Variants in RBFOX1 observed in about 807,000 individuals in gnomAD.
RBFOX1 encodes the protein RNA binding protein fox-1 homolog 1.
Under a neutral mutation model 57.7 loss-of-function variants are expected in RBFOX1, and 8 were observed. The ratio of observed to expected loss-of-function variants is 0.14; its 90% CI spans 0.08 to 0.25. The LOEUF (loss-of-function observed/expected upper bound fraction) is 0.25, where lower values mean the gene tolerates loss of function less well. Among genes scored for constraint, RBFOX1 ranks in the 10% least tolerant of loss-of-function variants. RBFOX1 has a pLI of 1.00. For missense variants in RBFOX1, 611 were observed against 548.5 expected (o/e 1.11, Z -1.14); for synonymous variants, 326 against 222.4 (o/e 1.47, Z -4.15).
chr16:6,853,409 G>T (rs1348019515), intron 3 of RBFOX1, among the ~76,000 whole-genome samples: 3 of 152,134 alleles, frequency 2.0e-5, no homozygotes, highest in African/African-American at 7.2e-5. Flanking sequence ...CAGAGTTACT[G>T]ATAGTGCCTG....
At chr16:6,514,514 T>A (rs2096330341) in intron 2 of RBFOX1, among the ~76,000 whole-genome samples, 1 of 152,212 alleles carries the variant, frequency 6.6e-6, no homozygotes, top group Admixed American at 6.5e-5. Flanking sequence ...CACAGTCTTT[T>A]ATTTGTGTTT....
intron 2 of RBFOX1, among the ~76,000 whole-genome samples, chr16:6,522,002 T>G (rs1216616986): frequency 6.6e-6 from 1 of 152,178 alleles, no homozygotes; most frequent in Non-Finnish European, 1.5e-5. Flanking sequence ...TCGACCAGCT[T>G]CTACAAAGCC....
intron 3 of RBFOX1, among the ~76,000 whole-genome samples, chr16:6,824,177 G>T (rs1037735849): frequency 7.2e-5 from 11 of 152,186 alleles, no homozygotes; most frequent in African/African-American, 2.4e-4. Context: ...GGCCAGGGCG[G>T]GTGGATCACC....
chr16:7,174,138 C>T (rs914077830), intron 4 of RBFOX1, among the ~76,000 whole-genome samples: 1 of 152,048 alleles, frequency 6.6e-6, no homozygotes. Context: ...AATGTGTGAT[C>T]TGCATCTGGA....
intron 4 of RBFOX1, among the ~76,000 whole-genome samples, chr16:7,286,359 A>T (rs914744857): frequency 3.9e-5 from 6 of 152,074 alleles, no homozygotes; most frequent in Admixed American, 6.6e-5. Flanking sequence ...GGTTCTTGCC[A>T]CTTTATTTCT....
intron 3 of RBFOX1, among the ~76,000 whole-genome samples, chr16:5,739,918 G>A (rs757912301): frequency 6.6e-6 from 1 of 152,240 alleles, no homozygotes; most frequent in Non-Finnish European, 1.5e-5. Context: ...AAAAATGAAT[G>A]GGTGCTAACC....
At chr16:6,449,976 G>C (rs1238316882) in intron 2 of RBFOX1, among the ~76,000 whole-genome samples, 1 of 152,202 alleles carries the variant, frequency 6.6e-6, no homozygotes, top group Non-Finnish European at 1.5e-5. Context: ...TGCATGGAGT[G>C]GATTGCGTTA....
rs535191310 is a variant in RBFOX1 at position 7,595,382 on chromosome 16, C to T, written c.469-167C>T. On this transcript the variant is annotated intron_variant, in intron 7 of 15. Transcript: ENST00000550418. ...AAAAAAATATCTTGTTCACATTTGT[C>T]GCTTAATTATTGCACATCTCAGTAC... 3.3e-5 allele frequency among the ~76,000 whole-genome samples: 5 copies of T among 152,222 alleles called. No homozygotes were observed. In the South Asian group the frequency reaches 6.2e-4, roughly 19 times the overall value.
At position 6,301,091 on chromosome 16, in the gene RBFOX1, T is replaced by A. The variant is rs145674923; in HGVS notation, c.-126-15904T>A. On this transcript the variant is annotated intron_variant, in intron 1 of 15. Transcript: ENST00000550418. ...TGAGTTGTCATTGAAAAAAAAATCC[T>A]TGAGGATCAGAAACAGAACCTGGAA... 3.2e-3 allele frequency among the ~76,000 whole-genome samples: 481 copies of A among 152,274 alleles called. 3 individuals are homozygous for A. The highest frequency in any genetic ancestry group is 2.3e-3 in the Non-Finnish European group (154 of 68,008).
At position 6,956,912 on chromosome 16, in the gene RBFOX1, A is replaced by T. The variant is rs1008397003; in HGVS notation, c.-15-95145A>T. Among the ~76,000 whole-genome samples the T allele has an allele frequency of 5.3e-5, 8 of 152,166 alleles. 1 individual carries two copies. In the East Asian group the frequency reaches 1.6e-3, roughly 30 times the overall value. ...CATCTGGGCTAGTTGTGTTACCAGGAAGGGGTCCAGATCCAGACCCCAAGT... is the reference window on the plus strand; with the variant it reads ...CATCTGGGCTAGTTGTGTTACCAGGTAGGGGTCCAGATCCAGACCCCAAGT... On this transcript the variant is annotated intron_variant, in intron 3 of 15. Transcript: ENST00000550418.
intron 4 of RBFOX1, among the ~76,000 whole-genome samples, chr16:7,213,916 G>T (rs896819640): frequency 4.7e-5 from 7 of 148,916 alleles, no homozygotes; most frequent in Non-Finnish European, 8.9e-5. Flanking sequence ...GGGCATGCAG[G>T]AACTCTGAAG....
At chr16:7,160,594 TACAA>T (rs1353532181) in intron 4 of RBFOX1, among the ~76,000 whole-genome samples, 1 of 152,218 alleles carries the variant, frequency 6.6e-6, no homozygotes, top group Non-Finnish European at 1.5e-5. Flanking sequence ...AAAGTCGTAA[TACAA>T]ACAATTATTT....
chr16:7,149,014 C>T (rs780329958), intron 4 of RBFOX1, among the ~76,000 whole-genome samples: 16 of 152,324 alleles, frequency 1.1e-4, no homozygotes, highest in African/African-American at 9.6e-5. Flanking sequence ...TTAGAGAATG[C>T]GTCAAGGGAA....
At chr16:6,362,043 A>G (rs1210550708) in intron 2 of RBFOX1, among the ~76,000 whole-genome samples, 4 of 152,180 alleles carry the variant, frequency 2.6e-5, no homozygotes, top group African/African-American at 9.7e-5. Context: ...AGTGTCCTGA[A>G]GCAAATCCTT....
intron 1 of RBFOX1, among the ~76,000 whole-genome samples, chr16:6,024,850 T>C (rs183175836): frequency 1.3e-5 from 2 of 152,354 alleles, no homozygotes; most frequent in African/African-American, 2.4e-5. Context: ...CCAAGCACTA[T>C]TGAAAGCACT....
chr16:5,661,247 A>G (rs999096993), intron 3 of RBFOX1, among the ~76,000 whole-genome samples: 4 of 152,216 alleles, frequency 2.6e-5, no homozygotes, highest in Non-Finnish European at 4.4e-5. Flanking sequence ...AAATATAACA[A>G]TGAGTAATAT....
chr16:7,689,417 G>A (rs1355953284), intron 14 of RBFOX1, among the ~76,000 whole-genome samples: 1 of 152,122 alleles, frequency 6.6e-6, no homozygotes, highest in African/African-American at 2.4e-5. Flanking sequence ...AGCAGCAGGA[G>A]GCGTGATTCC....
At chr16:7,626,408 A>G (rs28527255) in intron 10 of RBFOX1, among the ~76,000 whole-genome samples, 15,364 of 152,206 alleles carry the variant, frequency 0.1, 948 homozygotes, top group African/African-American at 0.17. Flanking sequence ...GGAGGATTCA[A>G]AATCCTGCTG....
At chr16:5,523,833 C>T (rs574420974) in intron 2 of RBFOX1, among the ~76,000 whole-genome samples, 5 of 152,274 alleles carry the variant, frequency 3.3e-5, no homozygotes, top group African/African-American at 1.2e-4. Flanking sequence ...GAACAAGCCG[C>T]AGCGGCCCCT....
Sources: gnomAD v4.1 joint callset for allele counts (sites outside exome capture counted in the v4.1 genomes callset) on GRCh38, gnomAD v4.1.1 for gene constraint, MANE v1.5 for transcripts, NCBI Gene and HGNC (gene_info 2026-07-23, HGNC 2026-07-21) for gene names.